CREBBP: variants seen among roughly 807,000 people sequenced by gnomAD.
CREBBP encodes CREB binding lysine acetyltransferase.
Under a neutral mutation model 265.0 loss-of-function variants are expected in CREBBP, and 19 were observed. The observed-to-expected ratio is 0.07, with a 90% CI of 0.05 to 0.11. CREBBP has a LOEUF of 0.11. CREBBP is among the 10% of genes least tolerant of loss of function. CREBBP has a pLI of 1.00. For synonymous variants in CREBBP, 1,457 were observed against 1,223.7 expected, an observed-to-expected ratio of 1.19 and a Z score of -3.98; for missense variants, 2,525 against 3,219.0, an observed-to-expected ratio of 0.78 and a Z score of 5.22.
At chr16:3,844,875 C>T (rs1245408705) in intron 2 of CREBBP, among the ~76,000 whole-genome samples, 1 of 152,076 alleles carries the variant, frequency 6.6e-6, no homozygotes, top group Non-Finnish European at 1.5e-5. Context: ...CAGAAATAAA[C>T]TTAGTAAGAA....
In CREBBP at chr16:3,767,765, C is replaced by T. The variant is rs555109138; in HGVS notation, c.3205G>A (p.Gly1069Ser). ...VKEEEESSSN[G>S]TASQSTSPSQ... is the part of the protein sequence containing the mutation. ...GGAGATGTTGACTGAGAGGCTGTGCCGTTACTGCTACTCTCTTCTTCCTCT... is the reference window on the plus strand; with the variant it reads ...GGAGATGTTGACTGAGAGGCTGTGCTGTTACTGCTACTCTCTTCTTCCTCT... The change falls in exon 16 of 31, where the codon GGC becomes AGC. Residue 1069 changes from glycine to serine, a missense_variant. Around this residue, in one of 19 missense-constraint regions of CREBBP, gnomAD observed 548 missense variants for 533.0 expected, o/e 1.03. Coordinates refer to ENST00000262367, the MANE Select transcript of CREBBP (RefSeq NM_004380.3). 29 of 1,614,104 alleles carry T rather than the reference C, an allele frequency of 1.8e-5. 1 individual carries two copies. The Admixed American group carries it at 2.7e-4, about 15-fold the overall frequency.
At chr16:3,860,816 C>A (rs2055056758) in intron 1 of CREBBP, among the ~76,000 whole-genome samples, 1 of 151,872 alleles carries the variant, frequency 6.6e-6, no homozygotes, top group Non-Finnish European at 1.5e-5. Flanking sequence ...GACCTGGAGG[C>A]CACACTACGC....
intron 16 of CREBBP, among the ~76,000 whole-genome samples, chr16:3,763,518 T>TGGCACGATCTCAGCTCACTGCAAC (rs2052772248): frequency 6.6e-6 from 1 of 152,162 alleles, no homozygotes; most frequent in Non-Finnish European, 1.5e-5. Context: ...TGGAGTGCAA[T>TGGCACGATCTCAGCTCACTGCAAC]GGCACGATCT....
chr16:3,776,563 C>T (rs558451996), intron 11 of CREBBP, among the ~76,000 whole-genome samples: 60 of 152,160 alleles, frequency 3.9e-4, no homozygotes, highest in Non-Finnish European at 6.9e-4. Context: ...CGTGCCGTCC[C>T]CATTTCAGCC....
chr16:3,784,969 TTGGAACTCATCATTTC>T (rs1310205413), intron 5 of CREBBP, among the ~76,000 whole-genome samples: 1 of 152,206 alleles, frequency 6.6e-6, no homozygotes, highest in Non-Finnish European at 1.5e-5. Flanking sequence ...TGAGAAGCAT[TTGGAACTCATCATTTC>T]TAAAATTCAG....
intron 20 of CREBBP, 35 bp downstream of exon 20, chr16:3,751,691 C>T (rs775516031): frequency 1.9e-5 from 30 of 1,600,310 alleles, no homozygotes; most frequent in Non-Finnish European, 2.4e-5. Context: ...GGTCACCCTC[C>T]CTCACCCCAG....
intron 2 of CREBBP, among the ~76,000 whole-genome samples, chr16:3,812,299 C>T (rs919937980): frequency 1.3e-5 from 2 of 152,002 alleles, no homozygotes; most frequent in Non-Finnish European, 2.9e-5. Context: ...CTGCCTCAGC[C>T]TCCTGAGTAG....
intron 28 of CREBBP, among the ~76,000 whole-genome samples, chr16:3,733,943 G>T (rs1005947981): frequency 1.3e-5 from 2 of 152,150 alleles, no homozygotes; most frequent in South Asian, 2.1e-4. Flanking sequence ...CGCCCGGCCT[G>T]GAAGTCTATT....
chr16:3,830,392 C>A (rs1253091709), intron 2 of CREBBP, among the ~76,000 whole-genome samples: 1 of 151,512 alleles, frequency 6.6e-6, no homozygotes, highest in Non-Finnish European at 1.5e-5. Flanking sequence ...AGAGTGACAT[C>A]CTGTATCAAA....
In CREBBP at chr16:3,729,023, C is replaced by T. The variant is rs2151306646; in HGVS notation, c.6024G>A (p.Val2008=). 2 of 1,591,282 alleles carry T rather than the reference C, an allele frequency of 1.3e-6. No individual in the cohort carries two copies. The highest frequency in any genetic ancestry group is 1.1e-5 in the South Asian group (1 of 89,668). Reference sequence around the variant, plus strand: ...GCATGCTGGGCATGACGGGCCCGCTCACCTGGTTGGGTCGGGGCACATTCA... The same window carrying T: ...GCATGCTGGGCATGACGGGCCCGCTTACCTGGTTGGGTCGGGGCACATTCA... ...VSLNVPRPNQ[V]SGPVMPSMPP... Residue 2008 remains valine (V), a synonymous_variant, in exon 31 of 31, where the codon GTG becomes GTA. Coordinates refer to ENST00000262367, the MANE Select transcript of CREBBP (RefSeq NM_004380.3).
In CREBBP at chr16:3,789,582, C is replaced by T. The variant is rs925021870; in HGVS notation, c.1330+2399G>A. 5.9e-5 allele frequency among the ~76,000 whole-genome samples: 9 copies of T among 152,326 alleles called. No homozygotes were observed. The South Asian group carries it at 1.9e-3, about 32-fold the overall frequency. On this transcript the variant is annotated intron_variant, in intron 5 of 30. Coordinates refer to ENST00000262367, the MANE Select transcript of CREBBP (RefSeq NM_004380.3). Reference sequence around the variant, plus strand: ...TTAAGCCAACGTAGGGTCAGATTCACATTTTCCTCTCTGGGTTCCTAACTC... The same window carrying T: ...TTAAGCCAACGTAGGGTCAGATTCATATTTTCCTCTCTGGGTTCCTAACTC...
At chr16:3,751,679 A>G (rs755801612) in intron 20 of CREBBP, 47 bp downstream of exon 20, 7 of 1,567,784 alleles carry the variant, frequency 4.5e-6, no homozygotes, top group Non-Finnish European at 6.2e-6. Context: ...AAAACAATTT[A>G]AGGTCACCCT....
Position 3,806,274 on chromosome 16 carries a change from C to T in CREBBP, c.975+4329G>A, listed in dbSNP as rs1034866097. Among the ~76,000 whole-genome samples, 7 of 152,184 alleles carry T rather than the reference C, an allele frequency of 4.6e-5. No homozygotes were observed. In the East Asian group the frequency reaches 1.3e-3, roughly 29 times the overall value. Reference sequence around the variant, plus strand: ...ACAGTCTTCCAGCCACACCACCCTTCCATTCAGAGACGTAGATCAGCAGCT... The same window carrying T: ...ACAGTCTTCCAGCCACACCACCCTTTCATTCAGAGACGTAGATCAGCAGCT... On this transcript the variant is annotated intron_variant, in intron 3 of 30. Transcript: ENST00000262367.
chr16:3,736,840 A>C (rs1163798567), intron 26 of CREBBP, 25 bp from the exon 27 acceptor site: 2 of 1,613,914 alleles, frequency 1.2e-6, no homozygotes, highest in Admixed American at 3.3e-5. Context: ...CACACACGTC[A>C]GATGAACGTG....
At chr16:3,747,624 C>A (rs140148159) in intron 21 of CREBBP, among the ~76,000 whole-genome samples, 53 of 152,328 alleles carry the variant, frequency 3.5e-4, no homozygotes, top group African/African-American at 1.3e-3. Context: ...GTTCCCTCTG[C>A]CTGGCACCTA....
intron 3 of CREBBP, among the ~76,000 whole-genome samples, chr16:3,805,252 G>C (rs1237225071): frequency 6.6e-6 from 1 of 152,024 alleles, no homozygotes; most frequent in African/African-American, 2.4e-5. Flanking sequence ...TATAGACAAG[G>C]GCTTACTTCC....
At chr16:3,811,958 G>C (rs2053946464) in intron 2 of CREBBP, among the ~76,000 whole-genome samples, 1 of 152,114 alleles carries the variant, frequency 6.6e-6, no homozygotes, top group Non-Finnish European at 1.5e-5. Flanking sequence ...CTTTTATGGA[G>C]TCAAAAGGTT....
At chr16:3,791,923 T>C (rs1294445686) in intron 5 of CREBBP, 58 bp downstream of exon 5, 9 of 1,437,690 alleles carry the variant, frequency 6.3e-6, no homozygotes, top group Non-Finnish European at 8.8e-6. Context: ...CTCTGAATTT[T>C]CTTTAGAAAC....
intron 2 of CREBBP, among the ~76,000 whole-genome samples, chr16:3,819,679 AAT>A (rs2054105577): frequency 6.6e-6 from 1 of 152,182 alleles, no homozygotes; most frequent in Non-Finnish European, 1.5e-5. Flanking sequence ...TGTCCTGGTA[AAT>A]CATAAGCGTT....
Sources: gnomAD v4.1 joint callset for allele counts (sites outside exome capture counted in the v4.1 genomes callset) on GRCh38, gnomAD v4.1.1 for gene constraint, gnomAD v4.1.1 regional missense constraint, MANE v1.5 for transcripts, NCBI Gene and HGNC (gene_info 2026-07-23, HGNC 2026-07-21) for gene names.